The following CPQ variants were observed in gnomAD, a reference collection of about 807,000 sequenced individuals.
The protein encoded by CPQ is carboxypeptidase Q, also known as Ser-Met dipeptidase.
In CPQ, 37 loss-of-function variants were observed where a neutral mutation model predicts 45.7. That is an observed-to-expected ratio of 0.81 (90% CI 0.62 to 1.07). The LOEUF (loss-of-function observed/expected upper bound fraction) is 1.07. Ranked by LOEUF, CPQ falls within the 50% of genes least tolerant of loss-of-function variation. The pLI is 0.00. For synonymous variants in CPQ, 186 were observed against 205.8 expected (o/e 0.90, Z 0.82); for missense variants, 537 against 572.9 (o/e 0.94, Z 0.64).
intron 7 of CPQ, among the ~76,000 whole-genome samples, chr8:97,126,196 C>T (rs7823574): frequency 0.069 from 10,566 of 152,182 alleles, 554 homozygotes; most frequent in African/African-American, 0.13. Flanking sequence ...AAGCCCAGAC[C>T]TCACAACTGC....
chr8:96,670,067 G>A (rs1029645295), intron 1 of CPQ, among the ~76,000 whole-genome samples: 3 of 152,088 alleles, frequency 2.0e-5, no homozygotes, highest in Non-Finnish European at 2.9e-5. Flanking sequence ...AAAGCTTATC[G>A]CACACACATG....
chr8:97,090,986 T>A (rs966026106), intron 7 of CPQ, among the ~76,000 whole-genome samples: 2 of 152,146 alleles, frequency 1.3e-5, no homozygotes, highest in Admixed American at 1.3e-4. Context: ...CTGGACAAAT[T>A]GGGTTTATCA....
At chr8:96,833,473 G>A (rs1352474998) in intron 2 of CPQ, among the ~76,000 whole-genome samples, 1 of 152,110 alleles carries the variant, frequency 6.6e-6, no homozygotes, top group African/African-American at 2.4e-5. Context: ...GACATCCCTT[G>A]AGTGGACTAT....
At chr8:96,752,238 A>T (rs909887321) in intron 1 of CPQ, among the ~76,000 whole-genome samples, 1 of 152,084 alleles carries the variant, frequency 6.6e-6, no homozygotes, top group Non-Finnish European at 1.5e-5. Context: ...CATTTTGATG[A>T]TATTGATTCC....
chr8:96,986,237 G>A (rs1202578147), intron 5 of CPQ, among the ~76,000 whole-genome samples: 1 of 152,146 alleles, frequency 6.6e-6, no homozygotes, highest in Non-Finnish European at 1.5e-5. Context: ...CTAGCACAAG[G>A]AGTATCATAC....
chr8:96,717,982 C>T (rs1002733099), intron 1 of CPQ, among the ~76,000 whole-genome samples: 5 of 152,226 alleles, frequency 3.3e-5, no homozygotes, highest in African/African-American at 1.2e-4. Context: ...CCACTAGCAG[C>T]AGCTAGCTAG....
chr8:96,893,746 A>G (rs1298226132), intron 4 of CPQ, among the ~76,000 whole-genome samples: 1 of 152,236 alleles, frequency 6.6e-6, no homozygotes, highest in East Asian at 1.9e-4. Context: ...CATAAAATAA[A>G]TGCTTTAAGG....
rs111341268 is a variant in CPQ at position 96,971,912 on chromosome 8, G to A, written c.961+5866G>A. Among the ~76,000 whole-genome samples the A allele has an allele frequency of 2.0e-5, 3 of 152,132 alleles. No homozygotes were observed. The South Asian group carries it at 6.2e-4, about 31-fold the overall frequency. On this transcript the variant is annotated intron_variant, in intron 5 of 7. Coordinates refer to ENST00000220763, the MANE Select transcript of CPQ (RefSeq NM_016134.4). ...CAGGACTAGTTTGCAGCTCCCATTCGAACAGACAGAGCAGTGTTTGGAGAC... is the reference window on the plus strand; with the variant it reads ...CAGGACTAGTTTGCAGCTCCCATTCAAACAGACAGAGCAGTGTTTGGAGAC...
chr8:96,879,889 A>T lies in CPQ; in HGVS notation c.733A>T (p.Met245Leu), dbSNP rs753447649. 1 of 1,613,976 alleles carries T rather than the reference A, an allele frequency of 6.2e-7. No individual in the cohort carries two copies. Among genetic ancestry groups the T allele is most frequent in the Admixed American group, 1.7e-5 (1 of 60,000 alleles). ...GGAAGATGCAGAAATGATGTCAAGA[A>T]TGGCTTCTCATGGGATCAAAATTGT... is the stretch of plus-strand genomic sequence containing the variant. The part of the protein sequence containing the change: ...TVEDAEMMSR[M>L]ASHGIKIVIQ... Residue 245 changes from methionine to leucine, a missense_variant, in exon 4 of 8, where the codon ATG (methionine) becomes TTG (leucine). Physicochemically the swap from Met to Leu is conservative, Grantham distance 15. Coordinates refer to ENST00000220763, the MANE Select transcript of CPQ (RefSeq NM_016134.4).
intron 6 of CPQ, among the ~76,000 whole-genome samples, chr8:97,036,650 G>A (rs1237080387): frequency 3.3e-5 from 5 of 152,124 alleles, no homozygotes. Flanking sequence ...CATTTCTCAT[G>A]TCCTGAAATG....
chr8:96,703,364 C>G (rs1305770177), intron 1 of CPQ, among the ~76,000 whole-genome samples: 1 of 152,140 alleles, frequency 6.6e-6, no homozygotes, highest in Non-Finnish European at 1.5e-5. Context: ...TTCATAAAAT[C>G]TCATGCACAA....
At chr8:97,064,844 T>C (rs1586522815) in intron 6 of CPQ, among the ~76,000 whole-genome samples, 1 of 152,272 alleles carries the variant, frequency 6.6e-6, no homozygotes, top group East Asian at 1.9e-4. Flanking sequence ...GTGATGGTAG[T>C]GTGGAGTCTT....
intron 7 of CPQ, among the ~76,000 whole-genome samples, chr8:97,120,059 T>C (rs1811672111): frequency 1.3e-5 from 2 of 152,216 alleles, no homozygotes; most frequent in South Asian, 2.1e-4. Flanking sequence ...ATGACTGATA[T>C]CCAGGCTGAC....
intron 7 of CPQ, among the ~76,000 whole-genome samples, chr8:97,139,179 G>T (rs901988270): frequency 6.6e-6 from 1 of 152,118 alleles, no homozygotes; most frequent in African/African-American, 2.4e-5. Flanking sequence ...CATTACAGAT[G>T]AGTTTTCAAT....
intron 1 of CPQ, among the ~76,000 whole-genome samples, chr8:96,742,238 T>C (rs927779253): frequency 2.6e-5 from 4 of 152,218 alleles, no homozygotes; most frequent in Admixed American, 1.3e-4. Context: ...AATGTCCTTC[T>C]TTGTCTCTTT....
intron 1 of CPQ, among the ~76,000 whole-genome samples, chr8:96,712,114 A>C (rs1422875223): frequency 6.6e-6 from 1 of 152,208 alleles, no homozygotes; most frequent in African/African-American, 2.4e-5. Flanking sequence ...TTAAAGTTAC[A>C]AAATGATCTC....
chr8:96,680,747 A>G lies in CPQ; in HGVS notation c.-35+35345A>G, dbSNP rs137953038. ...CAGTTTAGAGGGCTCAGAAGAAGAT[A>G]GGAAAGTGTGGGAAAGTGTGGAACT... On this transcript the variant is annotated intron_variant, in intron 1 of 7. Coordinates refer to ENST00000220763, the MANE Select transcript of CPQ (RefSeq NM_016134.4). 2.2e-4 allele frequency among the ~76,000 whole-genome samples: 33 copies of G among 152,308 alleles called. No homozygotes were observed. The East Asian group carries it at 6.4e-3, about 29-fold the overall frequency.
At chr8:96,901,067 T>G (rs974613762) in intron 4 of CPQ, among the ~76,000 whole-genome samples, 3 of 152,158 alleles carry the variant, frequency 2.0e-5, no homozygotes, top group African/African-American at 7.2e-5. Flanking sequence ...GTTCTGGGAA[T>G]GCACCTCACA....
chr8:97,065,615 T>G (rs982764024), intron 6 of CPQ, among the ~76,000 whole-genome samples: 1 of 152,210 alleles, frequency 6.6e-6, no homozygotes. Context: ...ATACCTTCTT[T>G]TGTCTGAGCA....
Sources: allele counts gnomAD v4.1 joint callset (sites outside exome capture counted in the v4.1 genomes callset), GRCh38; gene constraint gnomAD v4.1.1; transcripts MANE v1.5; gene names NCBI Gene and HGNC (gene_info 2026-07-23, HGNC 2026-07-21).